B3GALT1: variants seen among roughly 807,000 people sequenced by gnomAD.
The protein encoded by B3GALT1 is beta-1,3-galactosyltransferase 1, also known as UDP-Gal:betaGlcNAc beta 1,3-galactosyltransferase, polypeptide 1.
In B3GALT1, 10 loss-of-function variants were observed where a neutral mutation model predicts 23.2. That is an observed-to-expected ratio of 0.43 (90% confidence interval 0.27 to 0.73). The LOEUF (loss-of-function observed/expected upper bound fraction) is 0.73. B3GALT1 is among the 30% of genes least tolerant of loss of function. The pLI is 0.21. For synonymous variants in B3GALT1, 156 were observed against 141.5 expected (o/e 1.10, Z -0.73); for missense variants, 299 against 405.4 (o/e 0.74, Z 2.25).
chr2:167,835,275 T>G (rs1036313372), intron 4 of B3GALT1, among the ~76,000 whole-genome samples: 2 of 152,158 alleles, frequency 1.3e-5, no homozygotes, highest in African/African-American at 4.8e-5. Context: ...TTCCCTTTCC[T>G]AGTCAAAGAA....
intron 2 of B3GALT1, among the ~76,000 whole-genome samples, chr2:167,504,489 A>G (rs1699891594): frequency 6.6e-6 from 1 of 152,216 alleles, no homozygotes; most frequent in Non-Finnish European, 1.5e-5. Context: ...TTATAGGACT[A>G]TGTGACCATG....
chr2:167,495,786 A>T (rs1699775464), intron 2 of B3GALT1, among the ~76,000 whole-genome samples: 2 of 152,186 alleles, frequency 1.3e-5, no homozygotes, highest in Non-Finnish European at 2.9e-5. Context: ...TTGGGATGGG[A>T]AGGCCTATGT....
intron 3 of B3GALT1, among the ~76,000 whole-genome samples, chr2:167,669,820 A>G (rs1686290651): frequency 1.3e-5 from 2 of 152,120 alleles, no homozygotes; most frequent in Admixed American, 1.3e-4. Flanking sequence ...TGGCTTCCCA[A>G]GCCATGTGGG....
intron 1 of B3GALT1, among the ~76,000 whole-genome samples, chr2:167,393,275 G>GTT (rs961331233): frequency 5.6e-5 from 8 of 143,546 alleles, no homozygotes; most frequent in South Asian, 2.2e-4. Flanking sequence ...TTGTTGGTGA[G>GTT]TTTTTTTTTT....
intron 3 of B3GALT1, among the ~76,000 whole-genome samples, chr2:167,674,280 G>A (rs1686385706): frequency 6.6e-6 from 1 of 152,032 alleles, no homozygotes; most frequent in African/African-American, 2.4e-5. Context: ...ATTTATTTTA[G>A]CTTATTAATG....
At chr2:167,431,591 G>C (rs746229769) in intron 1 of B3GALT1, among the ~76,000 whole-genome samples, 7 of 152,160 alleles carry the variant, frequency 4.6e-5, no homozygotes, top group Admixed American at 3.3e-4. Flanking sequence ...TGGACATCAT[G>C]TCTGTCTATT....
chr2:167,606,195 A>G (rs1684959137), intron 2 of B3GALT1, among the ~76,000 whole-genome samples: 1 of 152,180 alleles, frequency 6.6e-6, no homozygotes, highest in Non-Finnish European at 1.5e-5. Context: ...ATGGAATTAG[A>G]AAGGGAGATT....
chr2:167,325,252 T>C (rs1696875198), intron 1 of B3GALT1, among the ~76,000 whole-genome samples: 1 of 152,074 alleles, frequency 6.6e-6, no homozygotes, highest in Non-Finnish European at 1.5e-5. Flanking sequence ...TAGTTTGTTC[T>C]TGCATTGCTA....
intron 3 of B3GALT1, among the ~76,000 whole-genome samples, chr2:167,780,930 C>T (rs919216176): frequency 1.3e-5 from 2 of 152,254 alleles, no homozygotes; most frequent in Non-Finnish European, 2.9e-5. Flanking sequence ...TGTGAATGTA[C>T]TAAGTGCTAC....
chr2:167,788,175 A>G (rs1688373712), intron 3 of B3GALT1, among the ~76,000 whole-genome samples: 1 of 146,752 alleles, frequency 6.8e-6, no homozygotes, highest in Admixed American at 6.8e-5. Context: ...TTTAAATTAG[A>G]TGAGAGATTG....
intron 3 of B3GALT1, among the ~76,000 whole-genome samples, chr2:167,729,809 G>A (rs1224311886): frequency 1.3e-5 from 2 of 152,050 alleles, no homozygotes; most frequent in Non-Finnish European, 2.9e-5. Flanking sequence ...GTGAAGAAGT[G>A]AAGTGGCCAA....
intron 3 of B3GALT1, among the ~76,000 whole-genome samples, chr2:167,653,522 C>G (rs551067168): frequency 6.6e-6 from 1 of 152,238 alleles, no homozygotes; most frequent in East Asian, 1.9e-4. Flanking sequence ...GCAGAAAGAG[C>G]AGCAATATCT....
At chr2:167,813,900 A>T (rs962803314) in intron 3 of B3GALT1, among the ~76,000 whole-genome samples, 1 of 152,238 alleles carries the variant, frequency 6.6e-6, no homozygotes, top group African/African-American at 2.4e-5. Context: ...ATCAACTTTT[A>T]AAATAGCTGG....
intron 1 of B3GALT1, among the ~76,000 whole-genome samples, chr2:167,487,286 A>G (rs1475806675): frequency 6.6e-6 from 1 of 152,190 alleles, no homozygotes; most frequent in African/African-American, 2.4e-5. Context: ...CTGGGAAGGT[A>G]ATGTTGTGCG....
At chr2:167,398,908 C>T (rs560510033) in intron 1 of B3GALT1, among the ~76,000 whole-genome samples, 7 of 152,210 alleles carry the variant, frequency 4.6e-5, no homozygotes, top group Admixed American at 3.3e-4. Context: ...TTAGGGATCT[C>T]GGTTCTGATG....
At chr2:167,557,082 T>C (rs557353120) in intron 2 of B3GALT1, among the ~76,000 whole-genome samples, 1 of 152,288 alleles carries the variant, frequency 6.6e-6, no homozygotes, top group African/African-American at 2.4e-5. Flanking sequence ...AGAAAAATAA[T>C]ATACTGCCTT....
At chr2:167,295,986 C>G (rs1322271534) in intron 1 of B3GALT1, among the ~76,000 whole-genome samples, 2 of 152,236 alleles carry the variant, frequency 1.3e-5, no homozygotes, top group Non-Finnish European at 1.5e-5. Flanking sequence ...CTTTAGGGAG[C>G]TAATGGGTAG....
rs188745334 is a variant in B3GALT1, at chr2:167,511,921, C to T, written c.-410+21644C>T. On this transcript the variant is annotated intron_variant, in intron 2 of 4. Transcript: ENST00000392690. ...TTTATTATTGGGCATCCACCATGTG[C>T]CAGGCACGGGGAATACAGCAATGAA... Among the ~76,000 whole-genome samples, 19 of 152,268 alleles carry T rather than the reference C, an allele frequency of 1.2e-4. No individual in the cohort carries two copies. In the East Asian group the frequency reaches 3.7e-3, roughly 29 times the overall value.
At chr2:167,504,345 C>G (rs1250940813) in intron 2 of B3GALT1, among the ~76,000 whole-genome samples, 1 of 152,092 alleles carries the variant, frequency 6.6e-6, no homozygotes, top group Non-Finnish European at 1.5e-5. Context: ...ATAAGTAGCT[C>G]AAGATTACAT....
Sources: allele counts gnomAD v4.1 joint callset (sites outside exome capture counted in the v4.1 genomes callset), GRCh38; gene constraint gnomAD v4.1.1; transcripts MANE v1.5; gene names NCBI Gene and HGNC (gene_info 2026-07-23, HGNC 2026-07-21).